MACROD2: variants seen among roughly 807,000 people sequenced by gnomAD.
MACROD2 encodes the protein mono-ADP ribosylhydrolase 2.
MACROD2 carries 36 observed loss-of-function variants against 70.4 expected under a neutral mutation model. The ratio of observed to expected loss-of-function variants is 0.51; its 90% CI spans 0.39 to 0.68. The LOEUF is 0.68. Among genes scored for constraint, MACROD2 ranks in the 30% least tolerant of loss-of-function variants. The pLI is 0.00. For missense variants in MACROD2, 496 were observed against 538.4 expected (o/e 0.92, Z 0.78); for synonymous variants, 172 against 178.8 (o/e 0.96, Z 0.30).
At chr20:14,843,225 TG>T (rs1311369365) in intron 5 of MACROD2, among the ~76,000 whole-genome samples, 5 of 149,604 alleles carry the variant, frequency 3.3e-5, no homozygotes, top group East Asian at 2.0e-4. Context: ...GTGTTATGAC[TG>T]GGGCTAGGAA....
intron 8 of MACROD2, among the ~76,000 whole-genome samples, chr20:15,529,762 C>A (rs960215494): frequency 2.6e-5 from 4 of 152,012 alleles, no homozygotes; most frequent in Non-Finnish European, 5.9e-5. Context: ...TGATATCCGC[C>A]CCCCCCACCT....
intron 5 of MACROD2, among the ~76,000 whole-genome samples, chr20:15,000,420 G>A (rs1286051488): frequency 3.1e-5 from 4 of 129,676 alleles, no homozygotes; most frequent in South Asian, 2.3e-4. Flanking sequence ...TCAGGAGATC[G>A]AGACCATCCT....
chr20:14,853,513 G>GAA (rs11480776), intron 5 of MACROD2, among the ~76,000 whole-genome samples: 1 of 151,402 alleles, frequency 6.6e-6, no homozygotes, highest in East Asian at 1.9e-4. Context: ...AAAGTAGGGA[G>GAA]AAAAAAAATG....
chr20:15,849,447 A>G (rs1279300930), intron 8 of MACROD2, among the ~76,000 whole-genome samples: 1 of 152,210 alleles, frequency 6.6e-6, no homozygotes, highest in African/African-American at 2.4e-5. Context: ...GCACAGGACG[A>G]TTGCACGGTT....
At chr20:15,094,737 T>C (rs1007295442) in intron 5 of MACROD2, among the ~76,000 whole-genome samples, 1 of 152,206 alleles carries the variant, frequency 6.6e-6, no homozygotes, top group African/African-American at 2.4e-5. Context: ...AAAATCTTTT[T>C]CTTTGTTTCT....
chr20:14,532,889 G>C (rs188078992), intron 4 of MACROD2, among the ~76,000 whole-genome samples: 16 of 152,278 alleles, frequency 1.1e-4, no homozygotes, highest in African/African-American at 3.8e-4. Context: ...TGCGTGCTGA[G>C]CTTTTTGTGT....
chr20:14,390,720 T>C (rs1471899557), intron 3 of MACROD2, among the ~76,000 whole-genome samples: 3 of 152,128 alleles, frequency 2.0e-5, no homozygotes, highest in Non-Finnish European at 4.4e-5. Flanking sequence ...CCCTTACTTA[T>C]ACCATATACA....
At chr20:14,751,922 C>T (rs143945554) in intron 5 of MACROD2, among the ~76,000 whole-genome samples, 2 of 151,988 alleles carry the variant, frequency 1.3e-5, no homozygotes, top group Non-Finnish European at 2.9e-5. Context: ...TTTGGAGTAG[C>T]AATGAGTACT....
intron 3 of MACROD2, among the ~76,000 whole-genome samples, chr20:14,159,875 T>G (rs1405493116): frequency 1.3e-5 from 2 of 152,166 alleles, no homozygotes; most frequent in East Asian, 3.8e-4. Flanking sequence ...TATATGGGCT[T>G]TATCATATTG....
intron 4 of MACROD2, among the ~76,000 whole-genome samples, chr20:14,630,037 G>A (rs985777603): frequency 1.3e-5 from 2 of 151,372 alleles, no homozygotes; most frequent in Non-Finnish European, 2.9e-5. Flanking sequence ...CCATGAATTG[G>A]TACTATTATT....
At chr20:15,848,553 G>A (rs6514622) in intron 8 of MACROD2, among the ~76,000 whole-genome samples, 87,372 of 151,988 alleles carry the variant, frequency 0.57, 25,703 homozygotes, top group East Asian at 0.68. Context: ...AGACTTAATA[G>A]CCCTCAGGAA....
intron 4 of MACROD2, among the ~76,000 whole-genome samples, chr20:14,563,045 CT>C (rs1487116762): frequency 6.6e-6 from 1 of 151,844 alleles, no homozygotes; most frequent in Non-Finnish European, 1.5e-5. Context: ...GCAGTCACAC[CT>C]TTACTTGGGC....
intron 2 of MACROD2, among the ~76,000 whole-genome samples, chr20:14,028,030 G>A (rs1453450743): frequency 2.0e-5 from 3 of 152,184 alleles, no homozygotes; most frequent in Admixed American, 1.3e-4. Flanking sequence ...CCTTCCCCCA[G>A]GTACTCTATC....
chr20:15,246,289 CTG>C (rs1204933003), intron 6 of MACROD2, among the ~76,000 whole-genome samples: 17 of 151,992 alleles, frequency 1.1e-4, no homozygotes, highest in Non-Finnish European at 2.4e-4. Context: ...GTGTGTGTGT[CTG>C]TGTGTGTGCA....
At chr20:14,163,058 T>C (rs1331268706) in intron 3 of MACROD2, among the ~76,000 whole-genome samples, 1 of 152,170 alleles carries the variant, frequency 6.6e-6, no homozygotes, top group African/African-American at 2.4e-5. Flanking sequence ...TATATTTTCA[T>C]ATGTTTTCAT....
chr20:14,893,418 C>T (rs909146141), intron 5 of MACROD2: 1 of 152,090 alleles, frequency 6.6e-6, no homozygotes, highest in African/African-American at 2.4e-5. Flanking sequence ...TTCCCAATAA[C>T]AATGTACATC....
intron 3 of MACROD2, among the ~76,000 whole-genome samples, chr20:14,475,872 T>C (rs1254096085): frequency 6.6e-6 from 1 of 152,006 alleles, no homozygotes; most frequent in African/African-American, 2.4e-5. Context: ...CCAAGACCTT[T>C]CAGAGTCTTG....
intron 3 of MACROD2, among the ~76,000 whole-genome samples, chr20:14,398,829 C>T (rs980530090): frequency 6.6e-6 from 1 of 152,114 alleles, no homozygotes; most frequent in African/African-American, 2.4e-5. Flanking sequence ...GCTCTCCATT[C>T]GTTTCCATCC....
At chr20:14,110,204 A>T (rs1407137424) in intron 3 of MACROD2, among the ~76,000 whole-genome samples, 2 of 151,934 alleles carry the variant, frequency 1.3e-5, no homozygotes, top group Admixed American at 1.3e-4. Context: ...AGATCTAAAA[A>T]AACTCGGTAT....
Sources: gnomAD v4.1 joint callset for allele counts (sites outside exome capture counted in the v4.1 genomes callset) on GRCh38, gnomAD v4.1.1 for gene constraint, MANE v1.5 for transcripts, NCBI Gene and HGNC (gene_info 2026-07-23, HGNC 2026-07-21) for gene names.